The following CCSER1 variants were observed in gnomAD, a reference collection of about 807,000 sequenced individuals.
The protein encoded by CCSER1 is serine-rich coiled-coil domain-containing protein 1.
Under a neutral mutation model 82.0 loss-of-function variants are expected in CCSER1, and 41 were observed. That is an observed-to-expected ratio of 0.50 (90% CI 0.39 to 0.65). CCSER1 has a LOEUF of 0.65. CCSER1 is among the 30% of genes least tolerant of loss of function. CCSER1 has a pLI of 0.00. For missense variants in CCSER1, 1,119 were observed against 1,064.2 expected, an observed-to-expected ratio of 1.05 and a Z score of -0.72; for synonymous variants, 414 against 383.9, an observed-to-expected ratio of 1.08 and a Z score of -0.92.
intron 6 of CCSER1, among the ~76,000 whole-genome samples, chr4:90,723,039 A>G (rs1172394244): frequency 6.6e-6 from 1 of 151,956 alleles, no homozygotes; most frequent in Non-Finnish European, 1.5e-5. Context: ...TTGCACATAT[A>G]TTTAGAAACC....
intron 10 of CCSER1, among the ~76,000 whole-genome samples, chr4:91,126,889 G>A (rs1448165816): frequency 6.6e-6 from 1 of 151,608 alleles, no homozygotes; most frequent in African/African-American, 2.4e-5. Flanking sequence ...GAAGATACAG[G>A]GCCTGGATGC....
chr4:91,117,338 A>G (rs1726709312), intron 10 of CCSER1, among the ~76,000 whole-genome samples: 3 of 152,204 alleles, frequency 2.0e-5, no homozygotes, highest in Non-Finnish European at 2.9e-5. Context: ...GTTCAAATCT[A>G]GACTTTACCT....
At chr4:90,612,286 G>T (rs1249351944) in intron 5 of CCSER1, among the ~76,000 whole-genome samples, 1 of 152,054 alleles carries the variant, frequency 6.6e-6, no homozygotes, top group Non-Finnish European at 1.5e-5. Flanking sequence ...ATTTTTTAAT[G>T]GTGGAAAGCA....
intron 4 of CCSER1, among the ~76,000 whole-genome samples, chr4:90,406,939 C>T (rs945954989): frequency 1.3e-5 from 2 of 152,008 alleles, no homozygotes; most frequent in African/African-American, 4.8e-5. Flanking sequence ...AAGCTCACAC[C>T]TCACGGAACT....
chr4:90,911,346 C>T, intron 8 of CCSER1: 1 of 456,118 alleles, frequency 2.2e-6, no homozygotes, highest in Non-Finnish European at 4.4e-6. Context: ...GATATGCATG[C>T]CCCCATTAAA....
chr4:91,598,965 A>T lies in CCSER1; in HGVS notation c.2611A>T (p.Ile871Phe). 1 of 1,551,534 alleles carries T rather than the reference A, an allele frequency of 6.4e-7. No individual in the cohort carries two copies. The highest frequency in any genetic ancestry group is 1.2e-5 in the South Asian group (1 of 84,058). Residue 871 changes from isoleucine to phenylalanine, a missense_variant, in exon 11 of 11, where the codon ATC (isoleucine) becomes TTC (phenylalanine). Coordinates refer to ENST00000509176, the MANE Select transcript of CCSER1 (RefSeq NM_001145065.2). ...GTTTGGACAGCCACCCAGAGGGCCA[A>T]TCTCTTTACACATGTACAGCAGGAA... ...GRFGQPPRGP[I>F]SLHMYSRKNV...
intron 10 of CCSER1, among the ~76,000 whole-genome samples, chr4:91,564,158 A>G (rs927094409): frequency 1.9e-4 from 29 of 151,926 alleles, no homozygotes; most frequent in Non-Finnish European, 8.8e-5. Flanking sequence ...CTGTTCCTGC[A>G]TTAGTTTGCT....
intron 10 of CCSER1, among the ~76,000 whole-genome samples, chr4:91,546,917 T>C (rs1356105233): frequency 6.6e-6 from 1 of 151,732 alleles, no homozygotes; most frequent in Non-Finnish European, 1.5e-5. Flanking sequence ...TTTTGATGAG[T>C]AGTATTTTTG....
rs559426080 is a variant in CCSER1, at chr4:90,397,303, T to G, written c.1510-2733T>G. Among the ~76,000 whole-genome samples, 7 of 152,348 alleles carry G rather than the reference T, an allele frequency of 4.6e-5. No individual in the cohort carries two copies. In the South Asian group the frequency reaches 1.0e-3, roughly 23 times the overall value. On this transcript the variant is annotated intron_variant, in intron 3 of 10. Coordinates refer to ENST00000509176, the MANE Select transcript of CCSER1 (RefSeq NM_001145065.2). ...TCGTGAATTTTCCAAATTTAGTTTG[T>G]TCACTTTATTGGTGTTGCTGTCTTA... is the stretch of plus-strand genomic sequence containing the variant.
chr4:90,561,012 C>T (rs902406600), intron 5 of CCSER1, among the ~76,000 whole-genome samples: 1 of 152,156 alleles, frequency 6.6e-6, no homozygotes, highest in South Asian at 2.1e-4. Context: ...TGAGTTATTG[C>T]TAATATATTC....
At chr4:90,673,177 A>G (rs1009945391) in intron 6 of CCSER1, among the ~76,000 whole-genome samples, 1 of 152,000 alleles carries the variant, frequency 6.6e-6, no homozygotes, top group Non-Finnish European at 1.5e-5. Flanking sequence ...TGCAAATAAA[A>G]TGAGGTACAA....
intron 9 of CCSER1, among the ~76,000 whole-genome samples, chr4:90,937,492 CACACACACACAA>C (rs1049523599): frequency 2.6e-5 from 4 of 151,502 alleles, no homozygotes; most frequent in African/African-American, 9.7e-5. Flanking sequence ...CACACACACA[CACACACACACAA>C]ACACACACAC....
At chr4:91,398,597 G>T (rs1384302901) in intron 10 of CCSER1, among the ~76,000 whole-genome samples, 1 of 151,834 alleles carries the variant, frequency 6.6e-6, no homozygotes. Context: ...TCATTAATAA[G>T]AGAGCATAGT....
intron 6 of CCSER1, among the ~76,000 whole-genome samples, chr4:90,714,372 G>T (rs1217359915): frequency 6.6e-6 from 1 of 151,768 alleles, no homozygotes; most frequent in Non-Finnish European, 1.5e-5. Flanking sequence ...TTCATTATAG[G>T]TTCTCAAGAC....
intron 4 of CCSER1, among the ~76,000 whole-genome samples, chr4:90,429,050 T>C (rs1017020798): frequency 6.6e-6 from 1 of 151,834 alleles, no homozygotes; most frequent in Non-Finnish European, 1.5e-5. Context: ...TTGCAAGATG[T>C]TAATATGGTA....
intron 4 of CCSER1, among the ~76,000 whole-genome samples, chr4:90,467,394 A>C (rs1763781153): frequency 6.6e-6 from 1 of 151,128 alleles, no homozygotes; most frequent in African/African-American, 2.4e-5. Flanking sequence ...AAAAAATAAA[A>C]AATAAAAAAG....
intron 6 of CCSER1, among the ~76,000 whole-genome samples, chr4:90,715,509 G>A (rs1300187630): frequency 6.6e-6 from 1 of 151,984 alleles, no homozygotes; most frequent in Non-Finnish European, 1.5e-5. Flanking sequence ...GATCAGAGTA[G>A]AGCTAAGAGC....
intron 10 of CCSER1, among the ~76,000 whole-genome samples, chr4:91,169,400 C>T (rs1732520203): frequency 6.6e-6 from 1 of 152,072 alleles, no homozygotes; most frequent in African/African-American, 2.4e-5. Flanking sequence ...GCGGGTGGAT[C>T]ATTTGAGGTC....
At chr4:91,004,670 T>G (rs1035538897) in intron 9 of CCSER1, among the ~76,000 whole-genome samples, 2 of 152,200 alleles carry the variant, frequency 1.3e-5, no homozygotes, top group African/African-American at 4.8e-5. Context: ...AAATATAATC[T>G]TAATGAAAAA....
Sources: gnomAD v4.1 joint callset for allele counts (sites outside exome capture counted in the v4.1 genomes callset) on GRCh38, gnomAD v4.1.1 for gene constraint, MANE v1.5 for transcripts, NCBI Gene and HGNC (gene_info 2026-07-23, HGNC 2026-07-21) for gene names.